Variants in XPO5 observed in about 807,000 individuals in gnomAD.
XPO5 encodes exportin 5, also known as exportin-5.
XPO5 carries 46 observed loss-of-function variants against 160.6 expected under a neutral mutation model. That is an observed-to-expected ratio of 0.29 (90% CI 0.23 to 0.37). The LOEUF (loss-of-function observed/expected upper bound fraction) is 0.37. Among genes scored for constraint, XPO5 ranks in the 10% least tolerant of loss-of-function variants. The pLI, the probability that XPO5 is intolerant of heterozygous loss-of-function variation, is 1.00. For synonymous variants in XPO5, 537 were observed against 519.3 expected (o/e 1.03, Z -0.46); for missense variants, 1,090 against 1,463.9 (o/e 0.74, Z 4.17).
At chr6:43,531,041 T>TA (rs776910842) in intron 22 of XPO5, among the ~76,000 whole-genome samples, 30 of 152,202 alleles carry the variant, frequency 2.0e-4, no homozygotes, top group Middle Eastern at 6.3e-3. Context: ...AATGTGGACT[T>TA]ACAATGGACG....
intron 20 of XPO5, among the ~76,000 whole-genome samples, chr6:43,537,961 G>A (rs1379133910): frequency 6.6e-6 from 1 of 150,704 alleles, no homozygotes; most frequent in East Asian, 2.0e-4. Context: ...CCAGCTACTC[G>A]AGAGGCTGAG....
chr6:43,526,705 G>T lies in XPO5; in HGVS notation c.2963C>A (p.Ala988Asp). The T allele has an allele frequency of 6.2e-7, 1 of 1,613,966 alleles. No homozygotes were observed. Among genetic ancestry groups the T allele is most frequent in the Middle Eastern group, 1.6e-4 (1 of 6,062 alleles). Residue 988 changes from alanine to aspartate, a missense_variant, in exon 27 of 32, where the codon GCT becomes GAT. By Grantham distance (126) the Ala-to-Asp change is moderately radical (BLOSUM62 -2). This residue lies in a region of XPO5 where 810 missense variants were observed against 1,139.0 expected (regional missense o/e 0.71). Transcript: ENST00000265351. ...CTTACCGTCTCCATCTGCTGGGGGA[G>T]CACTACTGTGGTCAGCACCCTTCTT... ...VSKKGADHSS[A>D]PPADGDDEEM...
chr6:43,572,784 T>C (rs1362864015), intron 2 of XPO5, among the ~76,000 whole-genome samples: 1 of 152,224 alleles, frequency 6.6e-6, no homozygotes, highest in Non-Finnish European at 1.5e-5. Flanking sequence ...AGGTTTTATA[T>C]ATGCAGTGGT....
In XPO5 at chr6:43,530,118, G is replaced by A. The variant is rs566545904; in HGVS notation, c.2677+570C>T. On this transcript the variant is annotated intron_variant, in intron 23 of 31. Transcript: ENST00000265351. ...AAAAATACAAAAAAATTAGCTGGGC[G>A]TAGTAGCATGCGCCTGTAATCCCAG... Among the ~76,000 whole-genome samples the A allele has an allele frequency of 4.6e-4, 70 of 152,134 alleles. No individual in the cohort carries two copies. The East Asian group carries it at 5.8e-3, about 13-fold the overall frequency.
intron 28 of XPO5, 41 bp downstream of exon 28, chr6:43,525,798 C>T (rs1325789599): frequency 2.5e-6 from 4 of 1,601,736 alleles, no homozygotes; most frequent in Non-Finnish European, 2.6e-6. Flanking sequence ...GACTCCCCAC[C>T]TGGGCAAGGA....
At chr6:43,558,774 C>T (rs984459280) in intron 11 of XPO5, 183 bp from the exon 12 acceptor site, 6 of 495,800 alleles carry the variant, frequency 1.2e-5, no homozygotes, top group African/African-American at 1.2e-4. Flanking sequence ...TTCCAGTATT[C>T]CTCAGTGGTA....
Position 43,570,510 on chromosome 6 carries a change from G to C in XPO5, c.613C>G (p.Gln205Glu). 6.2e-7 allele frequency: 1 copy of C among 1,613,054 alleles called. No individual in the cohort carries two copies. Reference sequence around the variant, plus strand: ...GTAGGGGTATCCCTTACCACTTGCTGATACTTGTTTACATTTTCTTGAAGT... The same window carrying C: ...GTAGGGGTATCCCTTACCACTTGCTCATACTTGTTTACATTTTCTTGAAGT... ...NTLQENVNKY[Q>E]QVKTDTSQES... The change falls in exon 5 of 32, where the codon CAG (glutamine) becomes GAG (glutamate). Residue 205 changes from glutamine (Q) to glutamate (E), a missense_variant. Coordinates refer to ENST00000265351, the MANE Select transcript of XPO5 (RefSeq NM_020750.3).
chr6:43,524,772 T>G, intron 30 of XPO5, 59 bp downstream of exon 30: 1 of 1,605,210 alleles, frequency 6.2e-7, no homozygotes, highest in Non-Finnish European at 8.5e-7. Flanking sequence ...CCCAAGAGAC[T>G]AGGAGCAGAC....
intron 19 of XPO5, 148 bp from the exon 20 acceptor site, chr6:43,546,900 C>T: frequency 2.4e-6 from 2 of 838,242 alleles, no homozygotes; most frequent in Non-Finnish European, 3.6e-6. Flanking sequence ...ATCCCCCATC[C>T]CTTCCTTTAA....
chr6:43,573,597 C>T lies in XPO5; in HGVS notation c.110G>A (p.Cys37Tyr). The change falls in exon 2 of 32, where the codon TGT (cysteine) becomes TAT (tyrosine). Residue 37 changes from cysteine to tyrosine, a missense_variant. By Grantham distance (194) the Cys-to-Tyr change is radical (BLOSUM62 -2). Around this residue, in one of 3 missense-constraint regions of XPO5, gnomAD observed 170 missense variants for 227.0 expected, o/e 0.75. Coordinates refer to ENST00000265351, the MANE Select transcript of XPO5 (RefSeq NM_020750.3). ...AGGACACTTTTCTTTAAACTCCTCA[C>T]AAAACTGAAAGAAGAAAAGTTAGTG... is the stretch of plus-strand genomic sequence containing the variant. ...QRYRLEALKF[C>Y]EEFKEKCPIC... 1.9e-6 allele frequency: 3 copies of T among 1,611,928 alleles called. No homozygotes were observed. Among genetic ancestry groups the T allele is most frequent in the Non-Finnish European group, 2.5e-6 (3 of 1,178,856 alleles).
At chr6:43,530,591 C>A in intron 23 of XPO5, 97 bp downstream of exon 23, 1 of 1,398,356 alleles carries the variant, frequency 7.2e-7, no homozygotes, top group South Asian at 1.4e-5. Flanking sequence ...TCTCTTCCTT[C>A]CAGTTCTGCC....
intron 31 of XPO5, 29 bp from the exon 32 acceptor site, chr6:43,524,034 T>C (rs1793371223): frequency 6.2e-7 from 1 of 1,605,130 alleles, no homozygotes; most frequent in Non-Finnish European, 8.5e-7. Flanking sequence ...AAAGAATTAA[T>C]GCTGGGCCCT....
In XPO5 at chr6:43,536,787, A is replaced by AAG. The variant is rs1554133582; in HGVS notation, c.2343-2781_2343-2780insCT. 3.0e-4 allele frequency among the ~76,000 whole-genome samples: 44 copies of AAG among 148,474 alleles called. 1 individual carries two copies. The highest frequency in any genetic ancestry group is 1.1e-3 in the African/African-American group (42 of 39,018). Reference sequence around the variant, plus strand: ...AAAAAAAAAAAAAAAAAAAAAAAAAAAAAGCAGCTTTACTTTTTGGGTTTT... The same window carrying AAG: ...AAAAAAAAAAAAAAAAAAAAAAAAAAAGAAAGCAGCTTTACTTTTTGGGTTTT... On this transcript the variant is annotated intron_variant, in intron 20 of 31. Transcript: ENST00000265351.
At chr6:43,551,530 C>T in intron 14 of XPO5, 77 bp from the exon 15 acceptor site, 1 of 1,551,768 alleles carries the variant, frequency 6.4e-7, no homozygotes, top group South Asian at 1.2e-5. Context: ...ATTTTATTTT[C>T]ATCTTTTAAA....
intron 28 of XPO5, chr6:43,525,520 G>GA (rs948320516): frequency 1.2e-5 from 6 of 499,314 alleles, no homozygotes; most frequent in African/African-American, 7.7e-5. Flanking sequence ...CAGTCAAAAA[G>GA]AAAAAATCAA....
intron 18 of XPO5, 76 bp from the exon 19 acceptor site, chr6:43,547,783 G>C: frequency 7.5e-7 from 1 of 1,332,170 alleles, no homozygotes; most frequent in Admixed American, 1.8e-5. Flanking sequence ...GAGTTAACAG[G>C]CTATCATTAT....
intron 9 of XPO5, 76 bp downstream of exon 9, chr6:43,562,171 C>T (rs1582239397): frequency 1.7e-6 from 2 of 1,172,276 alleles, no homozygotes; most frequent in East Asian, 2.6e-5. Flanking sequence ...ATTTGCAACC[C>T]CTCATTGAAA....
chr6:43,561,068 A>G, intron 9 of XPO5, 61 bp from the exon 10 acceptor site: 1 of 1,351,156 alleles, frequency 7.4e-7, no homozygotes, highest in Non-Finnish European at 1.1e-6. Context: ...AGGAAAAAGC[A>G]GGGAAGTAAT....
rs995489702 is a variant in XPO5, at chr6:43,561,091, A to G, written c.1012-84T>C. On this transcript the variant is annotated intron_variant, in intron 9 of 31. Transcript: ENST00000265351. ...GCAGGGAAGTAATAAAAACAGATAAATTAAACCCTCAAAAAATGTTGTTTC... is the reference window on the plus strand; with the variant it reads ...GCAGGGAAGTAATAAAAACAGATAAGTTAAACCCTCAAAAAATGTTGTTTC... The G allele has an allele frequency of 4.4e-6, 5 of 1,129,162 alleles. No individual in the cohort carries two copies. The African/African-American group carries it at 6.2e-5, about 14-fold the overall frequency. 69.9% of individuals were successfully genotyped at this position (1,129,162 alleles called of 1,614,324 possible).
Sources: gnomAD v4.1 joint callset for allele counts (sites outside exome capture counted in the v4.1 genomes callset) on GRCh38, gnomAD v4.1.1 for gene constraint, gnomAD v4.1.1 regional missense constraint, MANE v1.5 for transcripts, NCBI Gene and HGNC (gene_info 2026-07-23, HGNC 2026-07-21) for gene names.